Variants in CEP83 observed in about 807,000 individuals in gnomAD.
CEP83 encodes the protein centrosomal protein 83.
CEP83 carries 70 observed loss-of-function variants against 101.9 expected under a neutral mutation model. The observed-to-expected ratio is 0.69, with a 90% confidence interval of 0.57 to 0.84. The LOEUF is 0.84. CEP83 is among the 40% of genes least tolerant of loss of function. The pLI is 0.00. For synonymous variants in CEP83, 264 were observed against 267.9 expected, an observed-to-expected ratio of 0.99 and a Z score of 0.14; for missense variants, 715 against 787.2, an observed-to-expected ratio of 0.91 and a Z score of 1.10.
chr12:94,439,422 A>G, intron 1 of CEP83, among the ~76,000 whole-genome samples: 1 of 152,162 alleles, frequency 6.6e-6, no homozygotes, highest in East Asian at 1.9e-4. Flanking sequence ...ACAAACTAGA[A>G]AACCTAGAGG....
At position 94,397,610 on chromosome 12, in the gene CEP83, G is replaced by A. The variant is rs527470300; in HGVS notation, c.549+3240C>T. On this transcript the variant is annotated intron_variant, in intron 6 of 16. Transcript: ENST00000397809. The stretch of plus-strand genomic sequence containing the variant: ...AAAAATAGATTAGTCATCAGATTTC[G>A]AATGCAGGTTTCACTATTTCAAAAA... 2.6e-3 allele frequency among the ~76,000 whole-genome samples: 393 copies of A among 152,206 alleles called. 2 individuals are homozygous for A. The highest frequency in any genetic ancestry group is 8.1e-3 in the African/African-American group (336 of 41,532).
At position 94,450,095 on chromosome 12, in the gene CEP83, G is replaced by A. The variant is rs904190033; in HGVS notation, c.-155+9462C>T. Among the ~76,000 whole-genome samples, 4 of 152,248 alleles carry A rather than the reference G, an allele frequency of 2.6e-5. No homozygotes were observed. In the East Asian group the frequency reaches 7.7e-4, roughly 29 times the overall value. On this transcript the variant is annotated intron_variant, in intron 1 of 16. Coordinates refer to ENST00000397809, the MANE Select transcript of CEP83 (RefSeq NM_016122.3). ...CTGCATGTTTTCCCCCTAAGACTGG[G>A]AGTAATGCAATGCACATTCAACACT...
chr12:94,404,738 A>C (rs1280377665), intron 4 of CEP83, among the ~76,000 whole-genome samples: 1 of 152,144 alleles, frequency 6.6e-6, no homozygotes, highest in East Asian at 1.9e-4. Flanking sequence ...TTACATAAAT[A>C]AAATAATTCA....
At chr12:94,427,570 A>G (rs1445594633) in intron 2 of CEP83, among the ~76,000 whole-genome samples, 3 of 152,236 alleles carry the variant, frequency 2.0e-5, no homozygotes, top group African/African-American at 7.2e-5. Flanking sequence ...AGTGAGTAGT[A>G]CAATGTCTGC....
intron 6 of CEP83, among the ~76,000 whole-genome samples, chr12:94,380,422 AGAGTT>A (rs1403039614): frequency 2.6e-5 from 4 of 152,198 alleles, no homozygotes; most frequent in Admixed American, 1.3e-4. Flanking sequence ...TGTGGCATTT[AGAGTT>A]AAGTCCTCAA....
At chr12:94,459,074 G>A (rs1363680944) in intron 1 of CEP83, among the ~76,000 whole-genome samples, 1 of 152,218 alleles carries the variant, frequency 6.6e-6, no homozygotes, top group Non-Finnish European at 1.5e-5. Context: ...AGATTTGAAA[G>A]AGCTTCCTCA....
chr12:94,305,614 T>G (rs1475802207), downstream of CEP83: 4 of 221,192 alleles, frequency 1.8e-5, no homozygotes, highest in Non-Finnish European at 3.6e-5. Context: ...TAAGTGGTTT[T>G]GTTTGAAAAC....
At chr12:94,311,234 C>A (rs1969818231) in intron 15 of CEP83, among the ~76,000 whole-genome samples, 1 of 152,172 alleles carries the variant, frequency 6.6e-6, no homozygotes, top group African/African-American at 2.4e-5. Flanking sequence ...CATGGAAACT[C>A]CACACCCCCT....
chr12:94,335,642 C>T lies in CEP83; in HGVS notation c.1366G>A (p.Val456Met), dbSNP rs183654043. 9.5e-5 allele frequency: 151 copies of T among 1,585,248 alleles called. No individual in the cohort carries two copies. The highest frequency in any genetic ancestry group is 1.2e-4 in the Non-Finnish European group (144 of 1,165,280). ...TCCTTCTCTGCATTTTCAATAGTCACAATTTGTTGCTGAAGTTTTAACCTA... is the reference window on the plus strand; with the variant it reads ...TCCTTCTCTGCATTTTCAATAGTCATAATTTGTTGCTGAAGTTTTAACCTA... ...SVRLKLQQQIVTIENAEKEKN... is the reference protein window; with the variant it reads ...SVRLKLQQQIMTIENAEKEKN... Residue 456 changes from valine (V) to methionine (M), a missense_variant, in exon 12 of 17, where the codon GTG (valine) becomes ATG (methionine). Val to Met is a conservative substitution (Grantham distance 21). Transcript: ENST00000397809.
At chr12:94,329,461 C>G (rs1321091566) in intron 14 of CEP83, among the ~76,000 whole-genome samples, 1 of 152,048 alleles carries the variant, frequency 6.6e-6, no homozygotes, top group East Asian at 1.9e-4. Context: ...TGGGGTCTGG[C>G]TATATTTTGT....
At chr12:94,454,554 T>A (rs1335884138) in intron 1 of CEP83, among the ~76,000 whole-genome samples, 1 of 152,194 alleles carries the variant, frequency 6.6e-6, no homozygotes, top group Non-Finnish European at 1.5e-5. Flanking sequence ...ATTAGCAGGA[T>A]GTGGGTGGGG....
At chr12:94,333,746 G>C in intron 12 of CEP83, 107 bp from the exon 13 acceptor site, 1 of 1,028,022 alleles carries the variant, frequency 9.7e-7, no homozygotes, top group South Asian at 1.5e-5. Context: ...GCTCCCTCAA[G>C]CTGGTGTGTC....
chr12:94,419,009 T>C (rs117831795), intron 2 of CEP83, among the ~76,000 whole-genome samples: 4,887 of 151,742 alleles, frequency 0.032, 125 homozygotes, highest in Middle Eastern at 0.096. Flanking sequence ...TTCAATATTG[T>C]ATTGAAGAAC....
At chr12:94,300,496 T>A in the CEP83 span, among the ~76,000 whole-genome samples, 1 of 152,150 alleles carries the variant, frequency 6.6e-6, no homozygotes, top group Non-Finnish European at 1.5e-5. Flanking sequence ...GGCCAGGTCA[T>A]GCAGGGTGTT....
At chr12:94,341,243 ATAAT>A (rs1336110353) in intron 11 of CEP83, among the ~76,000 whole-genome samples, 3 of 152,208 alleles carry the variant, frequency 2.0e-5, no homozygotes, top group South Asian at 2.1e-4. Context: ...AGACTGGTAT[ATAAT>A]TAATAAAGGA....
In CEP83 at chr12:94,360,059, G is replaced by A. The variant is rs143386143; in HGVS notation, c.1343+7735C>T. Among the ~76,000 whole-genome samples the A allele has an allele frequency of 9.4e-4, 143 of 152,244 alleles. 1 individual carries two copies. Among genetic ancestry groups the A allele is most frequent in the East Asian group, 5.6e-3 (29 of 5,184 alleles). ...TTCAATACATGCAGAAAAAGCGTCTGACAAAAATTCAGCTTTCCTTCATGA... is the reference window on the plus strand; with the variant it reads ...TTCAATACATGCAGAAAAAGCGTCTAACAAAAATTCAGCTTTCCTTCATGA... On this transcript the variant is annotated intron_variant, in intron 11 of 16. Coordinates refer to ENST00000397809, the MANE Select transcript of CEP83 (RefSeq NM_016122.3).
chr12:94,321,935 G>A (rs1478088633), intron 14 of CEP83, among the ~76,000 whole-genome samples: 1 of 151,820 alleles, frequency 6.6e-6, no homozygotes, highest in Non-Finnish European at 1.5e-5. Context: ...TATGCTGGGG[G>A]TCCGCTCCAA....
rs753799181 is a variant in CEP83, at chr12:94,308,821, C to T, written c.2098G>A (p.Gly700Arg). 27 of 1,606,690 alleles carry T rather than the reference C, an allele frequency of 1.7e-5. No individual in the cohort carries two copies. The African/African-American group carries it at 2.1e-4, about 13-fold the overall frequency. Reference sequence around the variant, plus strand: ...CCTGTTCTCCAAGAACATCATTCTCCGGAAGATCCAAGTTCCTCTAGTTGT... The same window carrying T: ...CCTGTTCTCCAAGAACATCATTCTCTGGAAGATCCAAGTTCCTCTAGTTGT... ...RKQLEELGSS[G>R]E Residue 700 changes from glycine (G) to arginine (R), a missense_variant, in exon 17 of 17, where the codon GGA (glycine) becomes AGA (arginine). By Grantham distance (125) the Gly-to-Arg change is moderately radical. Coordinates refer to ENST00000397809, the MANE Select transcript of CEP83 (RefSeq NM_016122.3).
At chr12:94,276,929 T>C in the CEP83 span, 1 of 152,218 alleles carries the variant, frequency 6.6e-6, no homozygotes, top group Admixed American at 6.5e-5. Context: ...GATCACCGGC[T>C]TACCTCAGAG....
Sources: allele counts gnomAD v4.1 joint callset (sites outside exome capture counted in the v4.1 genomes callset), GRCh38; gene constraint gnomAD v4.1.1; transcripts MANE v1.5; gene names NCBI Gene and HGNC (gene_info 2026-07-23, HGNC 2026-07-21).